TRPM1: variants seen among roughly 807,000 people sequenced by gnomAD.
TRPM1 encodes the protein transient receptor potential cation channel subfamily M member 1, also known as TRPM1-203 APA Isoform, Intron 10.
TRPM1 carries 113 observed loss-of-function variants against 149.4 expected under a neutral mutation model. The observed-to-expected ratio is 0.76, with a 90% CI of 0.65 to 0.88. TRPM1 has a LOEUF of 0.88. Ranked by LOEUF, TRPM1 falls within the 40% of genes least tolerant of loss-of-function variation. The probability of loss-of-function intolerance (pLI) is 0.00; values close to 1 mark genes in which losing one functional copy is unlikely to be tolerated. For synonymous variants in TRPM1, 741 were observed against 759.5 expected (o/e 0.98, Z 0.40); for missense variants, 1,976 against 2,038.7 (o/e 0.97, Z 0.59).
intron 1 of TRPM1, among the ~76,000 whole-genome samples, chr15:31,137,582 A>G (rs540393188): frequency 5.9e-4 from 90 of 151,744 alleles, no homozygotes; most frequent in African/African-American, 2.1e-3. Flanking sequence ...TCTCAAAGAG[A>G]CAACAAGATT....
rs774767603 is a variant in TRPM1, at chr15:31,002,922, C to T, written c.3778G>A (p.Asp1260Asn). 3.1e-6 allele frequency: 5 copies of T among 1,604,854 alleles called. No individual in the cohort carries two copies. In the South Asian group the frequency reaches 4.4e-5, roughly 14 times the overall value. ...VNALENLAGI[D>N]RSDLIQARSR... ...CGTGCCTGGATCAGGTCAGACCTGT[C>T]GATTCCCGCAAGATTTTCAAGAGCA... is the stretch of plus-strand genomic sequence containing the variant. The change falls in exon 28 of 28, where the codon GAC becomes AAC. Residue 1260 changes from aspartate (D) to asparagine (N), a missense_variant. By Grantham distance (23) the Asp-to-Asn change is conservative (BLOSUM62 1). This residue lies in a region of TRPM1 where 572 missense variants were observed against 578.9 expected (regional missense o/e 0.99). Coordinates refer to ENST00000256552, the MANE Select transcript of TRPM1 (RefSeq NM_001252024.2).
At chr15:31,043,079 T>G (rs965281411) in intron 16 of TRPM1, among the ~76,000 whole-genome samples, 25 of 152,276 alleles carry the variant, frequency 1.6e-4, no homozygotes, top group African/African-American at 5.8e-4. Flanking sequence ...TGGCTCAGTC[T>G]GAATAACTCA....
rs71420549 is a variant in TRPM1, at chr15:31,121,223, C to CAAA, written c.54+39680_54+39682dup. Among the ~76,000 whole-genome samples the CAAA allele has an allele frequency of 3.9e-3, 228 of 59,086 alleles. 6 individuals carry two copies. The highest frequency in any genetic ancestry group is 9.3e-3 in the African/African-American group (141 of 15,106). 38.8% of individuals were successfully genotyped at this position (59,086 alleles called of 152,430 possible). A position where few individuals can be genotyped will look rare whatever the true frequency, so the allele number is the denominator to read the frequency against. ...CTGGGCGCAGAGCAAGACTCCATCTCAAAAAAAAAAAAAAAAAAAAAGAAA... is the reference window on the plus strand; with the variant it reads ...CTGGGCGCAGAGCAAGACTCCATCTCAAAAAAAAAAAAAAAAAAAAAAAAGAAA... On this transcript the variant is annotated intron_variant, in intron 1 of 26. Transcript: ENST00000542188.
chr15:31,031,452 G>A (rs2033075769), intron 22 of TRPM1: 1 of 482,560 alleles, frequency 2.1e-6, no homozygotes, highest in Non-Finnish European at 3.7e-6. Context: ...ACTGCAAATG[G>A]AGAAAGGGAA....
chr15:31,090,325 T>C (rs2035200600), intron 1 of TRPM1, among the ~76,000 whole-genome samples: 1 of 152,180 alleles, frequency 6.6e-6, no homozygotes, highest in Non-Finnish European at 1.5e-5. Flanking sequence ...AATGATTCCA[T>C]GTGGTATTTT....
Position 31,033,001 on chromosome 15 carries a change from A to G in TRPM1, c.2701-61T>C. 1.9e-6 allele frequency: 3 copies of G among 1,607,346 alleles called. No homozygotes were observed. The South Asian group carries it at 3.3e-5, about 18-fold the overall frequency. On this transcript the variant is annotated intron_variant, in intron 21 of 27. Transcript: ENST00000256552. ...GCCGTATTAGAAGTCTTGTCTTAGA[A>G]TCTTGGAACAATAAGACTGATGGAA...
At chr15:31,069,823 T>C in intron 4 of TRPM1, 13 of 1,516,452 alleles carry the variant, frequency 8.6e-6, no homozygotes, top group Non-Finnish European at 1.1e-5. Flanking sequence ...TACGGGACAC[T>C]AGATGTTCTT....
intron 1 of TRPM1, among the ~76,000 whole-genome samples, chr15:31,147,314 G>A (rs527849607): frequency 3.3e-5 from 5 of 152,298 alleles, no homozygotes; most frequent in African/African-American, 4.8e-5. Flanking sequence ...ACAAAGAACC[G>A]TTCTGAATTT....
At chr15:31,075,540 G>C (rs1352917723) in intron 3 of TRPM1, among the ~76,000 whole-genome samples, 2 of 152,200 alleles carry the variant, frequency 1.3e-5, no homozygotes, top group African/African-American at 2.4e-5. Context: ...TGGAAGAAGG[G>C]AGCCTCTATC....
At chr15:31,139,683 T>C (rs1234087721) in intron 1 of TRPM1, among the ~76,000 whole-genome samples, 1 of 152,234 alleles carries the variant, frequency 6.6e-6, no homozygotes, top group East Asian at 1.9e-4. Context: ...AACAGCTGTG[T>C]CTTCTGATCA....
chr15:31,126,940 C>A (rs1246809864), intron 1 of TRPM1, among the ~76,000 whole-genome samples: 3 of 151,574 alleles, frequency 2.0e-5, no homozygotes, highest in Admixed American at 6.6e-5. Flanking sequence ...GCATTCCGGC[C>A]TAGACGACAG....
At position 31,070,010 on chromosome 15, in the gene TRPM1, A is replaced by G. The variant is rs897613805; in HGVS notation, c.279+21T>C. 6 of 1,614,094 alleles carry G rather than the reference A, an allele frequency of 3.7e-6. No homozygotes were observed. The African/African-American group carries it at 8.0e-5, about 22-fold the overall frequency. On this transcript the variant is annotated intron_variant, in intron 4 of 27. Transcript: ENST00000256552. The stretch of plus-strand genomic sequence containing the variant: ...TGAAAGCTGTGATCCTAGTGGCACC[A>G]TGTCTGAATGCCTTTCTCACCATGG...
At chr15:31,099,234 A>C (rs913773256) in intron 1 of TRPM1, among the ~76,000 whole-genome samples, 2 of 152,204 alleles carry the variant, frequency 1.3e-5, no homozygotes, top group East Asian at 3.8e-4. Flanking sequence ...GCCTTTGCAT[A>C]TCACTGAGGG....
At chr15:31,081,773 C>T (rs189531139) in intron 1 of TRPM1, among the ~76,000 whole-genome samples, 4 of 152,176 alleles carry the variant, frequency 2.6e-5, no homozygotes, top group Non-Finnish European at 4.4e-5. Flanking sequence ...CTCAACCTCC[C>T]GGTGGAGCAG....
Position 31,038,158 on chromosome 15 carries a change from C to T in TRPM1, c.2325G>A (p.Met775Ile). ...MRKNPGLKVI[M>I]GILLPPTILF... is the part of the protein sequence containing the mutation. ...AGATGGTGGGGGGTAGAAGAATCCC[C>T]ATGATAACCTACGGAACATAAATTG... is the stretch of plus-strand genomic sequence containing the variant. The change falls in exon 19 of 28, where the codon ATG (methionine) becomes ATA (isoleucine). Residue 775 changes from methionine (M) to isoleucine (I), a missense_variant. Around this residue, in one of 3 missense-constraint regions of TRPM1, gnomAD observed 1,332 missense variants for 1,347.1 expected, o/e 0.99. Transcript: ENST00000256552. The T allele has an allele frequency of 1.2e-6, 2 of 1,614,052 alleles. No individual in the cohort carries two copies. Among genetic ancestry groups the T allele is most frequent in the Non-Finnish European group, 1.7e-6 (2 of 1,179,988 alleles).
intron 27 of TRPM1, among the ~76,000 whole-genome samples, chr15:31,025,034 C>A (rs532298572): frequency 6.6e-6 from 1 of 152,268 alleles, no homozygotes; most frequent in East Asian, 1.9e-4. Flanking sequence ...CTGGCCTCAA[C>A]ATGCACCAGG....
At position 31,037,712 on chromosome 15, in the gene TRPM1, G is replaced by A; in HGVS notation, c.2570C>T (p.Thr857Ile). ...CAAATGTTCAGGAGGAGGCCTCACT[G>A]TGTAAAACCAGAACTTGACAATGGG... ...NAPIVKFWFY[T>I]ISYLGYLLLF... Residue 857 changes from threonine to isoleucine, a missense_variant and splice_region_variant, in exon 20 of 28, where the codon ACA becomes ATA. Around this residue, in one of 3 missense-constraint regions of TRPM1, gnomAD observed 1,332 missense variants for 1,347.1 expected, o/e 0.99. Coordinates refer to ENST00000256552, the MANE Select transcript of TRPM1 (RefSeq NM_001252024.2). 6.2e-7 allele frequency: 1 copy of A among 1,614,188 alleles called. No homozygotes were observed. Among genetic ancestry groups the A allele is most frequent in the Non-Finnish European group, 8.5e-7 (1 of 1,180,048 alleles).
intron 1 of TRPM1, among the ~76,000 whole-genome samples, chr15:31,124,830 T>C (rs573105000): frequency 1.3e-5 from 2 of 152,132 alleles, no homozygotes; most frequent in South Asian, 2.1e-4. Flanking sequence ...GTGAAACTAT[T>C]CTGTATGATA....
intron 1 of TRPM1, among the ~76,000 whole-genome samples, chr15:31,120,957 A>G (rs544771945): frequency 5.9e-5 from 9 of 152,252 alleles, no homozygotes; most frequent in Non-Finnish European, 1.2e-4. Flanking sequence ...TCCTTGGTGC[A>G]GGGGCTCACG....
Sources: gnomAD v4.1 joint callset for allele counts (sites outside exome capture counted in the v4.1 genomes callset) on GRCh38, gnomAD v4.1.1 for gene constraint, gnomAD v4.1.1 regional missense constraint, MANE v1.5 for transcripts, NCBI Gene and HGNC (gene_info 2026-07-23, HGNC 2026-07-21) for gene names.